Variants in ROBO1 observed in about 807,000 individuals in gnomAD.
ROBO1 encodes roundabout homolog 1.
In ROBO1, 149 loss-of-function variants were observed where a neutral mutation model predicts 195.9. The observed-to-expected ratio is 0.76, with a 90% CI of 0.67 to 0.87. ROBO1 has a LOEUF of 0.87. ROBO1 is among the 40% of genes least tolerant of loss of function. The pLI is 0.00. For synonymous variants in ROBO1, 816 were observed against 733.2 expected (o/e 1.11, Z -1.82); for missense variants, 1,933 against 2,068.3 (o/e 0.93, Z 1.27).
chr3:78,970,927 T>C (rs1429336764), intron 3 of ROBO1, among the ~76,000 whole-genome samples: 5 of 149,498 alleles, frequency 3.3e-5, no homozygotes, highest in Non-Finnish European at 5.9e-5. Context: ...TAGTATAGAT[T>C]GCAAAAAAAA....
chr3:78,631,244 G>C lies in ROBO1; in HGVS notation c.3543C>G (p.Asn1181Lys), dbSNP rs750905412. 3 of 1,613,366 alleles carry C rather than the reference G, an allele frequency of 1.9e-6. No individual in the cohort carries two copies. The Admixed American group carries it at 5.0e-5, about 27-fold the overall frequency. The change falls in exon 25 of 31, where the codon AAC becomes AAG. Residue 1181 changes from asparagine (N) to lysine (K), a missense_variant. Physicochemically the swap from Asn to Lys is moderately conservative, Grantham distance 94. This residue lies in a region of ROBO1 where 1,737 missense variants were observed against 1,882.5 expected (regional missense o/e 0.92). Transcript: ENST00000464233. The stretch of plus-strand genomic sequence containing the variant: ...GGGGAGGAGGAAGCAGGTCTGCCCA[G>C]TTCATGCCACCCTGTTTTGGTACCT... ...TPKVPKQGGM[N>K]WADLLPPPPA...
At chr3:78,826,299 G>C (rs914909164) in intron 4 of ROBO1, among the ~76,000 whole-genome samples, 2 of 152,096 alleles carry the variant, frequency 1.3e-5, no homozygotes, top group Admixed American at 1.3e-4. Flanking sequence ...GCACATTATT[G>C]CTTAAATGAA....
chr3:78,810,063 G>A (rs1268150075), intron 4 of ROBO1, among the ~76,000 whole-genome samples: 1 of 152,056 alleles, frequency 6.6e-6, no homozygotes, highest in African/African-American at 2.4e-5. Flanking sequence ...AACTGTCCCA[G>A]GTTGGAGTGA....
At chr3:79,562,310 A>G (rs907351589) in intron 2 of ROBO1, among the ~76,000 whole-genome samples, 2 of 152,098 alleles carry the variant, frequency 1.3e-5, no homozygotes, top group African/African-American at 4.8e-5. Flanking sequence ...GAAGAAGAAA[A>G]TGAAATAGTA....
chr3:78,670,278 C>G lies in ROBO1; in HGVS notation c.1366G>C (p.Val456Leu). The G allele has an allele frequency of 6.4e-7, 1 of 1,570,256 alleles. No individual in the cohort carries two copies. Among genetic ancestry groups the G allele is most frequent in the Non-Finnish European group, 8.6e-7 (1 of 1,156,736 alleles). The change falls in exon 11 of 31, where the codon GTT becomes CTT. Residue 456 changes from valine (V) to leucine (L), a missense_variant. Transcript: ENST00000464233. ...TDVIADRPPP[V>L]IRQGPVNQTV... ...TGATTCACAGGACCTTGTCGAATAA[C>G]TGGGGGAGGCCGATCTGCAATCACT...
At chr3:79,616,610 T>A (rs887751700) in intron 1 of ROBO1, among the ~76,000 whole-genome samples, 19 of 152,026 alleles carry the variant, frequency 1.2e-4, no homozygotes, top group African/African-American at 4.1e-4. Flanking sequence ...AATGTGGGCC[T>A]GGTGCAGATC....
chr3:79,106,358 T>G (rs2079780050), intron 3 of ROBO1, among the ~76,000 whole-genome samples: 1 of 151,640 alleles, frequency 6.6e-6, no homozygotes, highest in Non-Finnish European at 1.5e-5. Flanking sequence ...TCTCCGGGGT[T>G]CATTAAATTA....
intron 1 of ROBO1, among the ~76,000 whole-genome samples, chr3:79,662,085 T>C (rs1946346343): frequency 6.6e-6 from 1 of 152,066 alleles, no homozygotes; most frequent in African/African-American, 2.4e-5. Context: ...ATCCTGAAAG[T>C]GGCCTTCTAA....
chr3:79,540,531 G>A (rs1247628505), intron 2 of ROBO1, among the ~76,000 whole-genome samples: 4 of 151,854 alleles, frequency 2.6e-5, no homozygotes, highest in Non-Finnish European at 2.9e-5. Flanking sequence ...TCCCCATCAC[G>A]AATCTCATGT....
intron 2 of ROBO1, among the ~76,000 whole-genome samples, chr3:79,359,622 A>C (rs2109299568): frequency 6.6e-6 from 1 of 152,082 alleles, no homozygotes; most frequent in South Asian, 2.1e-4. Context: ...TTGACTTATT[A>C]TTTGTTCAAT....
At chr3:79,748,530 T>C (rs562881197) in intron 1 of ROBO1, among the ~76,000 whole-genome samples, 1 of 152,302 alleles carries the variant, frequency 6.6e-6, no homozygotes, top group East Asian at 1.9e-4. Context: ...AAGAGATATG[T>C]TACCAAATGG....
At chr3:79,470,923 TGAG>T (rs1342632607) in intron 2 of ROBO1, among the ~76,000 whole-genome samples, 1 of 152,180 alleles carries the variant, frequency 6.6e-6, no homozygotes, top group Non-Finnish European at 1.5e-5. Flanking sequence ...TTAAAAATTC[TGAG>T]GATAGTTTTC....
chr3:79,463,123 C>A (rs1937739856), intron 2 of ROBO1, among the ~76,000 whole-genome samples: 1 of 152,122 alleles, frequency 6.6e-6, no homozygotes, highest in African/African-American at 2.4e-5. Context: ...CCTGTAATCC[C>A]AGCACTTTGG....
chr3:79,635,184 C>G (rs754667373), intron 1 of ROBO1, among the ~76,000 whole-genome samples: 1 of 152,146 alleles, frequency 6.6e-6, no homozygotes, highest in African/African-American at 2.4e-5. Context: ...TTTACCATCG[C>G]CTTTTCATTA....
At chr3:79,686,464 A>G (rs1430765231) in intron 1 of ROBO1, among the ~76,000 whole-genome samples, 3 of 152,232 alleles carry the variant, frequency 2.0e-5, no homozygotes, top group Admixed American at 6.5e-5. Flanking sequence ...TTGTATATCT[A>G]GAAAACCTCA....
intron 2 of ROBO1, among the ~76,000 whole-genome samples, chr3:79,203,071 T>A (rs2081798720): frequency 2.0e-5 from 3 of 152,050 alleles, no homozygotes; most frequent in African/African-American, 7.2e-5. Context: ...GATTAATAAA[T>A]TGCAAAGCAC....
At chr3:78,961,085 C>A (rs1291734806) in intron 3 of ROBO1, among the ~76,000 whole-genome samples, 1 of 152,144 alleles carries the variant, frequency 6.6e-6, no homozygotes, top group Admixed American at 6.5e-5. Context: ...ATTTTAACTG[C>A]AATTTACAGA....
Position 79,088,528 on chromosome 3 carries a change from T to C in ROBO1, c.172+36928A>G, listed in dbSNP as rs554930117. On this transcript the variant is annotated intron_variant, in intron 3 of 30. Coordinates refer to ENST00000464233, the MANE Select transcript of ROBO1 (RefSeq NM_002941.4). ...TTGTTATATTTAATTACTTTGAAAA[T>C]AAACACAGTGAGCACATTGTAAAGA... Among the ~76,000 whole-genome samples, 11 of 152,220 alleles carry C rather than the reference T, an allele frequency of 7.2e-5. No individual in the cohort carries two copies. In the East Asian group the frequency reaches 2.1e-3, roughly 29 times the overall value.
intron 3 of ROBO1, among the ~76,000 whole-genome samples, chr3:78,951,080 T>C (rs1456030828): frequency 1.3e-5 from 2 of 151,624 alleles, no homozygotes; most frequent in African/African-American, 4.8e-5. Context: ...ACCTATATCA[T>C]AGATATATAT....
Sources: allele counts gnomAD v4.1 joint callset (sites outside exome capture counted in the v4.1 genomes callset), GRCh38; gene constraint gnomAD v4.1.1; regional missense constraint gnomAD v4.1.1; transcripts MANE v1.5; gene names NCBI Gene and HGNC (gene_info 2026-07-23, HGNC 2026-07-21).